GLIS1: variants seen among roughly 807,000 people sequenced by gnomAD.
GLIS1 encodes GLIS family zinc finger 1.
In GLIS1, 24 loss-of-function variants were observed where a neutral mutation model predicts 63.8. That is an observed-to-expected ratio of 0.38 (90% CI 0.27 to 0.53). The LOEUF (loss-of-function observed/expected upper bound fraction) is 0.53. Ranked by LOEUF, GLIS1 falls within the 20% of genes least tolerant of loss-of-function variation. The pLI is 0.85. For missense variants in GLIS1, 1,036 were observed against 1,074.1 expected, an observed-to-expected ratio of 0.96 and a Z score of 0.50; for synonymous variants, 450 against 482.5, an observed-to-expected ratio of 0.93 and a Z score of 0.88.
chr1:53,701,310 A>G (rs1041707862), intron 2 of GLIS1, among the ~76,000 whole-genome samples: 3 of 152,152 alleles, frequency 2.0e-5, no homozygotes, highest in African/African-American at 7.2e-5. Flanking sequence ...GGTGACAGCC[A>G]TTTTAGTGGG....
chr1:53,549,415 T>C (rs907860947), intron 4 of GLIS1, among the ~76,000 whole-genome samples: 3 of 152,212 alleles, frequency 2.0e-5, no homozygotes, highest in African/African-American at 7.2e-5. Flanking sequence ...AGTTCCACTT[T>C]CTCCACCTCC....
intron 4 of GLIS1, among the ~76,000 whole-genome samples, chr1:53,546,107 T>C (rs1412813684): frequency 6.6e-6 from 1 of 152,244 alleles, no homozygotes; most frequent in East Asian, 1.9e-4. Flanking sequence ...CACCCACCGA[T>C]GCACTGAAGG....
intron 2 of GLIS1, among the ~76,000 whole-genome samples, chr1:53,638,123 C>T (rs762346747): frequency 2.6e-5 from 4 of 152,086 alleles, no homozygotes; most frequent in Non-Finnish European, 4.4e-5. Flanking sequence ...GGGACTGCCA[C>T]GGGGAGAAGC....
intron 2 of GLIS1, among the ~76,000 whole-genome samples, chr1:53,702,447 G>A (rs962969303): frequency 2.6e-5 from 4 of 152,216 alleles, no homozygotes; most frequent in African/African-American, 7.2e-5. Flanking sequence ...ATCTGCCCCC[G>A]GGTTCCAGGT....
At chr1:53,546,538 C>A (rs111889576) in intron 4 of GLIS1, among the ~76,000 whole-genome samples, 1 of 152,190 alleles carries the variant, frequency 6.6e-6, no homozygotes, top group Non-Finnish European at 1.5e-5. Flanking sequence ...TTCTGGAAAA[C>A]GGGGTTAACA....
In GLIS1 at chr1:53,736,476, C is replaced by A. The variant is rs1374352717; in HGVS notation, c.259+1330G>T. On this transcript the variant is annotated intron_variant, in intron 2 of 10. Coordinates refer to ENST00000628545, the MANE Select transcript of GLIS1 (RefSeq NM_001367484.1). ...ATTTAAGGGAGGATTGTGTATGGAG[C>A]GGGGCAAGCCAGGGAGCTCCCGGCA... Among the ~76,000 whole-genome samples, 5 of 152,086 alleles carry A rather than the reference C, an allele frequency of 3.3e-5. No homozygotes were observed. In the South Asian group the frequency reaches 6.2e-4, roughly 19 times the overall value.
At chr1:53,622,320 C>T (rs897577203) in intron 2 of GLIS1, among the ~76,000 whole-genome samples, 10 of 150,178 alleles carry the variant, frequency 6.7e-5, no homozygotes, top group African/African-American at 1.2e-4. Flanking sequence ...CCCAGCTACT[C>T]GGGAGACTGA....
chr1:53,514,199 G>A (rs1482383119), intron 8 of GLIS1, among the ~76,000 whole-genome samples: 2 of 152,322 alleles, frequency 1.3e-5, no homozygotes, highest in East Asian at 1.9e-4. Context: ...GTGGGCGTGG[G>A]GCCCAGACCA....
intron 2 of GLIS1, among the ~76,000 whole-genome samples, chr1:53,640,202 T>A (rs1420672152): frequency 6.6e-6 from 1 of 152,030 alleles, no homozygotes; most frequent in Admixed American, 6.6e-5. Context: ...GCCAGCTAGC[T>A]CCCCAGGCAG....
At chr1:53,678,348 A>AGGGGGGGG (rs1646238583) in intron 2 of GLIS1, among the ~76,000 whole-genome samples, 1 of 2,620 alleles carries the variant, frequency 3.8e-4, no homozygotes. Context: ...GGTGGGGGGC[A>AGGGGGGGG]GGGGGGAGCG....
chr1:53,585,219 G>C (rs2100505718), intron 4 of GLIS1, among the ~76,000 whole-genome samples: 1 of 152,172 alleles, frequency 6.6e-6, no homozygotes, highest in East Asian at 1.9e-4. Context: ...TTCAAAAAAT[G>C]GGGAGGTGGG....
intron 4 of GLIS1, among the ~76,000 whole-genome samples, chr1:53,552,688 C>T (rs932317714): frequency 2.0e-5 from 3 of 152,182 alleles, no homozygotes; most frequent in Non-Finnish European, 2.9e-5. Context: ...AGATGGCTCC[C>T]CAGGGCTCCT....
chr1:53,634,135 G>A (rs562551319), intron 2 of GLIS1, among the ~76,000 whole-genome samples: 1 of 152,308 alleles, frequency 6.6e-6, no homozygotes, highest in Admixed American at 6.5e-5. Flanking sequence ...GAGAAGGAAC[G>A]GGTTTGGGGA....
At chr1:53,605,981 T>C (rs1411890219) in intron 2 of GLIS1, among the ~76,000 whole-genome samples, 1 of 152,178 alleles carries the variant, frequency 6.6e-6, no homozygotes, top group Non-Finnish European at 1.5e-5. Flanking sequence ...CACACACACC[T>C]AGGTTGAAGT....
At chr1:53,638,287 G>C (rs1306068197) in intron 2 of GLIS1, among the ~76,000 whole-genome samples, 1 of 152,220 alleles carries the variant, frequency 6.6e-6, no homozygotes, top group East Asian at 1.9e-4. Context: ...CATGGTGCTG[G>C]ATACCATAAC....
chr1:53,618,230 G>A (rs560739177), intron 2 of GLIS1, among the ~76,000 whole-genome samples: 17 of 152,322 alleles, frequency 1.1e-4, no homozygotes, highest in East Asian at 7.7e-4. Flanking sequence ...CCCTTCTCCC[G>A]CTGTAAGTGA....
intron 2 of GLIS1, among the ~76,000 whole-genome samples, chr1:53,641,615 C>T (rs1645788002): frequency 6.6e-6 from 1 of 152,120 alleles, no homozygotes; most frequent in Non-Finnish European, 1.5e-5. Context: ...GGGGTTGTCA[C>T]ACAGAGATTG....
intron 2 of GLIS1, among the ~76,000 whole-genome samples, chr1:53,735,149 C>T (rs1238349014): frequency 7.9e-5 from 12 of 152,196 alleles, no homozygotes; most frequent in Non-Finnish European, 1.5e-5. Flanking sequence ...GTCTTCTCTC[C>T]GGTCACTGGG....
At position 53,591,806 on chromosome 1, in the gene GLIS1, G is replaced by C. The variant is rs536985695; in HGVS notation, c.1320+2302C>G. On this transcript the variant is annotated intron_variant, in intron 4 of 10. Coordinates refer to ENST00000628545, the MANE Select transcript of GLIS1 (RefSeq NM_001367484.1). Reference sequence around the variant, plus strand: ...GAGGCAAGACCAAGTGTTCTCATGGGAGCAAGTGGAAGGCCAGCCAGACCC... The same window carrying C: ...GAGGCAAGACCAAGTGTTCTCATGGCAGCAAGTGGAAGGCCAGCCAGACCC... 5.3e-5 allele frequency among the ~76,000 whole-genome samples: 8 copies of C among 152,324 alleles called. No homozygotes were observed. The South Asian group carries it at 1.7e-3, about 32-fold the overall frequency.
Sources: allele counts gnomAD v4.1 joint callset (sites outside exome capture counted in the v4.1 genomes callset), GRCh38; gene constraint gnomAD v4.1.1; transcripts MANE v1.5; gene names NCBI Gene and HGNC (gene_info 2026-07-23, HGNC 2026-07-21).